RBFOX1: variants seen among roughly 807,000 people sequenced by gnomAD.
RBFOX1 encodes RNA binding fox-1 homolog 1.
A neutral mutation model predicts 57.7 loss-of-function variants in RBFOX1; 8 were observed. That is an observed-to-expected ratio of 0.14 (90% CI 0.08 to 0.25). RBFOX1 has a LOEUF of 0.25. RBFOX1 is among the 10% of genes least tolerant of loss of function. The probability of loss-of-function intolerance (pLI) is 1.00; values close to 1 mark genes in which losing one functional copy is unlikely to be tolerated. For synonymous variants in RBFOX1, 326 were observed against 222.4 expected (o/e 1.47, Z -4.15); for missense variants, 611 against 548.5 (o/e 1.11, Z -1.14).
intron 1 of RBFOX1, among the ~76,000 whole-genome samples, chr16:5,327,596 C>T (rs767281315): frequency 6.6e-6 from 1 of 152,148 alleles, no homozygotes; most frequent in African/African-American, 2.4e-5. Context: ...CAATAGGTTT[C>T]TGGTACCCTG....
chr16:5,757,157 CG>C (rs1016763868), intron 3 of RBFOX1, among the ~76,000 whole-genome samples: 1 of 150,978 alleles, frequency 6.6e-6, no homozygotes, highest in Admixed American at 6.6e-5. Context: ...TGCCCTTGGT[CG>C]ATATTCAGCC....
intron 4 of RBFOX1, among the ~76,000 whole-genome samples, chr16:7,071,874 C>G (rs547657813): frequency 1.1e-4 from 16 of 152,182 alleles, no homozygotes; most frequent in African/African-American, 3.9e-4. Context: ...TACAACAGCT[C>G]CTAATTCAGT....
chr16:5,558,517 C>T (rs1321095889), intron 2 of RBFOX1, among the ~76,000 whole-genome samples: 1 of 152,136 alleles, frequency 6.6e-6, no homozygotes, highest in Non-Finnish European at 1.5e-5. Flanking sequence ...TACAAACTAC[C>T]TTAGTGACCA....
At chr16:7,541,618 G>A (rs1254340908) in intron 5 of RBFOX1, among the ~76,000 whole-genome samples, 2 of 152,082 alleles carry the variant, frequency 1.3e-5, no homozygotes, top group East Asian at 1.9e-4. Flanking sequence ...TTGGTGTTTT[G>A]TCTTTCATCT....
At chr16:7,404,955 A>G (rs572953038) in intron 4 of RBFOX1, among the ~76,000 whole-genome samples, 2 of 151,850 alleles carry the variant, frequency 1.3e-5, no homozygotes, top group East Asian at 1.9e-4. Flanking sequence ...TCTCATGTCT[A>G]CTCCCTCTAG....
chr16:5,621,858 G>A (rs889960327), intron 3 of RBFOX1, among the ~76,000 whole-genome samples: 1 of 152,146 alleles, frequency 6.6e-6, no homozygotes. Context: ...AAGCCTTCGT[G>A]TTTCAATGCT....
At chr16:7,352,968 G>A (rs2097154376) in intron 4 of RBFOX1, among the ~76,000 whole-genome samples, 1 of 151,972 alleles carries the variant, frequency 6.6e-6, no homozygotes, top group Admixed American at 6.6e-5. Context: ...TGCTTGGCTT[G>A]GCCTCCCAAA....
intron 4 of RBFOX1, among the ~76,000 whole-genome samples, chr16:6,000,430 T>C (rs549641600): frequency 2.0e-5 from 3 of 152,152 alleles, no homozygotes; most frequent in African/African-American, 7.2e-5. Flanking sequence ...GAATTTCCTT[T>C]GAGGAAAGGG....
chr16:6,903,885 A>G (rs148188802), intron 3 of RBFOX1, among the ~76,000 whole-genome samples: 3 of 152,234 alleles, frequency 2.0e-5, no homozygotes, highest in East Asian at 3.9e-4. Context: ...GCTGGGAGCA[A>G]ACAGCTTCTA....
At chr16:6,224,386 G>T (rs191492059) in intron 1 of RBFOX1, among the ~76,000 whole-genome samples, 23 of 152,144 alleles carry the variant, frequency 1.5e-4, no homozygotes, top group African/African-American at 5.5e-4. Context: ...CTTGAGCAGT[G>T]GTTTGTAGTT....
Position 5,534,212 on chromosome 16 carries a change from G to A in RBFOX1, c.259-64690G>A, listed in dbSNP as rs75269000. Among the ~76,000 whole-genome samples the A allele has an allele frequency of 3.5e-3, 540 of 152,282 alleles. 13 individuals are homozygous for A. The East Asian group carries it at 0.064, about 18-fold the overall frequency. On this transcript the variant is annotated intron_variant, in intron 2 of 2. Coordinates refer to the RBFOX1 transcript ENST00000585867. ...GAATTGGGCATTTTCAGCTTTAGTG[G>A]TGGGTGTTGGGATTTGTCATCTACC...
At chr16:5,343,026 T>A (rs1162414365) in intron 1 of RBFOX1, among the ~76,000 whole-genome samples, 2 of 152,166 alleles carry the variant, frequency 1.3e-5, no homozygotes, top group Admixed American at 6.5e-5. Context: ...GTCAATGGCA[T>A]TCCATTACCA....
At chr16:7,216,427 G>A (rs1458302361) in intron 4 of RBFOX1, among the ~76,000 whole-genome samples, 1 of 152,168 alleles carries the variant, frequency 6.6e-6, no homozygotes, top group East Asian at 1.9e-4. Context: ...GGCTGAGGGA[G>A]GAGGATTGCT....
chr16:6,946,461 C>T (rs1409099569), intron 3 of RBFOX1, among the ~76,000 whole-genome samples: 2 of 152,176 alleles, frequency 1.3e-5, no homozygotes. Flanking sequence ...TGGTAACTGG[C>T]TTGGTAATGG....
chr16:5,443,727 C>A (rs916825629), intron 1 of RBFOX1, among the ~76,000 whole-genome samples: 2 of 152,204 alleles, frequency 1.3e-5, no homozygotes, highest in African/African-American at 4.8e-5. Context: ...TCAGGGACCC[C>A]TTTAAGCTTT....
At chr16:7,068,813 T>C (rs1391683736) in intron 4 of RBFOX1, among the ~76,000 whole-genome samples, 1 of 152,170 alleles carries the variant, frequency 6.6e-6, no homozygotes, top group Non-Finnish European at 1.5e-5. Context: ...GGTCTCGAAC[T>C]CCAGACCTCA....
intron 4 of RBFOX1, among the ~76,000 whole-genome samples, chr16:7,488,146 G>A (rs374896680): frequency 8.5e-5 from 13 of 152,098 alleles, no homozygotes; most frequent in East Asian, 1.9e-4. Flanking sequence ...GTGTCCCTGC[G>A]TGATTGTGAT....
At chr16:5,282,069 A>T (rs751437785) in intron 1 of RBFOX1, among the ~76,000 whole-genome samples, 16 of 152,102 alleles carry the variant, frequency 1.1e-4, no homozygotes, top group Non-Finnish European at 1.6e-4. Flanking sequence ...GACGTAGTTG[A>T]ATTGTGGCGG....
At chr16:6,490,819 T>G (rs1264028924) in intron 2 of RBFOX1, among the ~76,000 whole-genome samples, 1 of 152,160 alleles carries the variant, frequency 6.6e-6, no homozygotes, top group Non-Finnish European at 1.5e-5. Context: ...TAAACTCACG[T>G]TTGAACAAAG....
Sources: allele counts gnomAD v4.1 joint callset (sites outside exome capture counted in the v4.1 genomes callset), GRCh38; gene constraint gnomAD v4.1.1; transcripts MANE v1.5; gene names NCBI Gene and HGNC (gene_info 2026-07-23, HGNC 2026-07-21).